Variants in RUBCNL observed in about 807,000 individuals in gnomAD.
RUBCNL encodes the protein protein associated with UVRAG as autophagy enhancer.
A neutral mutation model predicts 69.5 loss-of-function variants in RUBCNL; 62 were observed. That is an observed-to-expected ratio of 0.89 (90% confidence interval 0.73 to 1.10). RUBCNL has a LOEUF of 1.10. Among genes scored for constraint, RUBCNL ranks in the 50% least tolerant of loss-of-function variants. The pLI is 0.00. For missense variants in RUBCNL, 768 were observed against 798.1 expected (o/e 0.96, Z 0.45); for synonymous variants, 291 against 303.6 (o/e 0.96, Z 0.43).
intron 14 of RUBCNL, among the ~76,000 whole-genome samples, chr13:46,343,922 C>T (rs549630932): frequency 6.6e-6 from 1 of 152,240 alleles, no homozygotes; most frequent in East Asian, 1.9e-4. Context: ...AGTGAGTAGG[C>T]CGGCCCCAAT....
At chr13:46,388,069 G>A (rs1159317011), upstream of RUBCNL, among the ~76,000 whole-genome samples, 1 of 151,826 alleles carries the variant, frequency 6.6e-6, no homozygotes, top group African/African-American at 2.4e-5. Flanking sequence ...AAAATTAGCC[G>A]AGCGTGGTGG....
intron 10 of RUBCNL, among the ~76,000 whole-genome samples, chr13:46,352,780 G>A (rs1461322289): frequency 1.3e-5 from 2 of 151,430 alleles, no homozygotes; most frequent in Non-Finnish European, 2.9e-5. Flanking sequence ...CTCCAGCCTG[G>A]GTGGGCAACA....
rs567488519 is a variant in RUBCNL, at chr13:46,362,950, A to C, written c.925+165T>G. Among the ~76,000 whole-genome samples, 13 of 64,124 alleles carry C rather than the reference A, an allele frequency of 2.0e-4. 1 individual carries two copies. In the South Asian group the frequency reaches 5.0e-3, roughly 25 times the overall value. The allele number at this position is 64,124 out of a possible 152,430, so 42.1% of individuals were successfully genotyped here. A position where few individuals can be genotyped will look rare whatever the true frequency, so the allele number is the denominator to read the frequency against. On this transcript the variant is annotated intron_variant, in intron 6 of 14. Transcript: ENST00000429979. The stretch of plus-strand genomic sequence containing the variant: ...TATATATATATATAGATATATATAT[A>C]TATATATATATATATATATATATAT...
At position 46,341,588 on chromosome 13, in the gene RUBCNL, T is replaced by C. The variant is rs1014633548; in HGVS notation, c.*1797A>G. On this transcript the variant is annotated 3_prime_UTR_variant, in exon 15 of 15. Transcript: ENST00000429979. ...TATGTAACACACACAGGCTCATCAGTGCCTTACAAACATACAAACCCTGAG... is the reference window on the plus strand; with the variant it reads ...TATGTAACACACACAGGCTCATCAGCGCCTTACAAACATACAAACCCTGAG... Among the ~76,000 whole-genome samples, 8 of 152,210 alleles carry C rather than the reference T, an allele frequency of 5.3e-5. No homozygotes were observed. The highest frequency in any genetic ancestry group is 1.2e-4 in the Non-Finnish European group (8 of 68,032).
chr13:46,367,237 C>T (rs2138781331), intron 5 of RUBCNL, among the ~76,000 whole-genome samples: 1 of 152,262 alleles, frequency 6.6e-6, no homozygotes, highest in South Asian at 2.1e-4. Context: ...CAGGTTACCC[C>T]ACAGGGCTTC....
upstream of RUBCNL, among the ~76,000 whole-genome samples, chr13:46,389,168 T>C (rs559754040): frequency 6.6e-6 from 1 of 152,334 alleles, no homozygotes; most frequent in East Asian, 1.9e-4. This position sits in a 1 kb window ranked among gnomAD's most constrained non-coding sequence, Gnocchi z 4.2. Context: ...TGAACATCCC[T>C]GAGAATAACA....
At chr13:46,371,275 C>T (rs1456688310) in intron 3 of RUBCNL, among the ~76,000 whole-genome samples, 1 of 152,076 alleles carries the variant, frequency 6.6e-6, no homozygotes, top group African/African-American at 2.4e-5. Flanking sequence ...ACAAGTGTGA[C>T]TATAACAAAT....
chr13:46,372,416 G>T lies in RUBCNL; in HGVS notation c.60C>A (p.Ser20Arg). The change falls in exon 3 of 15, where the codon AGC (serine) becomes AGA (arginine). Residue 20 changes from serine (S) to arginine (R), a missense_variant. Coordinates refer to ENST00000429979, the MANE Select transcript of RUBCNL (RefSeq NM_025113.5). ...AACCATCAATAATGCCAGAGTGATCGCTGATCCCTTCCCAGGGCTCCACAG... is the reference window on the plus strand; with the variant it reads ...AACCATCAATAATGCCAGAGTGATCTCTGATCCCTTCCCAGGGCTCCACAG... Reference protein sequence around the residue: ...DSPVEPWEGISDHSGIIDGSP... With the variant: ...DSPVEPWEGIRDHSGIIDGSP... The T allele has an allele frequency of 6.2e-7, 1 of 1,612,872 alleles. No homozygotes were observed. Among genetic ancestry groups the T allele is most frequent in the African/African-American group, 1.3e-5 (1 of 75,020 alleles).
At chr13:46,368,867 C>T in intron 3 of RUBCNL, 52 bp from the exon 4 acceptor site, 2 of 1,306,518 alleles carry the variant, frequency 1.5e-6, no homozygotes, top group Admixed American at 2.0e-5. Flanking sequence ...TTAAAGATTA[C>T]CTAATAAAAT....
intron 8 of RUBCNL, among the ~76,000 whole-genome samples, chr13:46,359,893 G>A (rs983721387): frequency 6.6e-6 from 1 of 152,062 alleles, no homozygotes; most frequent in Non-Finnish European, 1.5e-5. Flanking sequence ...TTTACTGTAA[G>A]TAGGTCATTT....
chr13:46,383,629 T>G (rs1379784028), intron 1 of RUBCNL, among the ~76,000 whole-genome samples: 2 of 152,150 alleles, frequency 1.3e-5, no homozygotes, highest in Non-Finnish European at 2.9e-5. Flanking sequence ...ACTCTCTTGG[T>G]TTCTACACAG....
chr13:46,336,367 A>G lies in RUBCNL; in HGVS notation c.*7018T>C, dbSNP rs1321008718. Among the ~76,000 whole-genome samples, 1 of 152,190 alleles carries G rather than the reference A, an allele frequency of 6.6e-6. No individual in the cohort carries two copies. The highest frequency in any genetic ancestry group is 2.4e-5 in the African/African-American group (1 of 41,444). On this transcript the variant is annotated 3_prime_UTR_variant, in exon 15 of 15. Coordinates refer to ENST00000429979, the MANE Select transcript of RUBCNL (RefSeq NM_025113.5). ...TGCAACCATTACTCTTAAAAGTTGT[A>G]TAGTACTGATCTCATTTATCATCTG...
chr13:46,345,375 G>T (rs2048223219), intron 13 of RUBCNL, 72 bp downstream of exon 13: 2 of 1,496,506 alleles, frequency 1.3e-6, no homozygotes, highest in Non-Finnish European at 1.8e-6. Flanking sequence ...AGAGTTAAAT[G>T]AAGTCAAGTG....
rs780914316 is a variant in RUBCNL, at chr13:46,362,559, C to G, written c.965G>C (p.Cys322Ser). The stretch of plus-strand genomic sequence containing the variant: ...ATACCTCTTAGAGGAGCTGCAGGAA[C>G]AGCTACAGGTTTCTGTGATATCATT... ...DFNDITETCS[C>S]SCSSSKSVTY... Residue 322 changes from cysteine (C) to serine (S), a missense_variant, in exon 7 of 15, where the codon TGT becomes TCT. Physicochemically the swap from Cys to Ser is moderately radical, Grantham distance 112. Coordinates refer to ENST00000429979, the MANE Select transcript of RUBCNL (RefSeq NM_025113.5). 2 of 1,609,594 alleles carry G rather than the reference C, an allele frequency of 1.2e-6. No individual in the cohort carries two copies. Among genetic ancestry groups the G allele is most frequent in the Admixed American group, 3.4e-5 (2 of 59,532 alleles).
intron 5 of RUBCNL, 81 bp downstream of exon 5, chr13:46,367,961 G>A (rs968094995): frequency 7.8e-7 from 1 of 1,288,626 alleles, no homozygotes; most frequent in Non-Finnish European, 1.1e-6. Flanking sequence ...TGGAATATAT[G>A]CCCCGTGGAT....
intron 6 of RUBCNL, 110 bp downstream of exon 6, chr13:46,363,005 T>C: frequency 7.6e-6 from 2 of 261,696 alleles, no homozygotes; most frequent in Non-Finnish European, 1.4e-5. Context: ...TGGAAGAAGT[T>C]GGTTTGAATG....
At chr13:46,372,772 T>C (rs539440287) in intron 2 of RUBCNL, among the ~76,000 whole-genome samples, 175 bp from the exon 3 acceptor site, 33 of 152,272 alleles carry the variant, frequency 2.2e-4, no homozygotes, top group African/African-American at 7.9e-4. Context: ...GCCATAAAAC[T>C]AGCAGTAAAC....
At chr13:46,346,043 C>T (rs190336289) in intron 12 of RUBCNL, among the ~76,000 whole-genome samples, 2 of 152,320 alleles carry the variant, frequency 1.3e-5, no homozygotes, top group East Asian at 3.9e-4. Flanking sequence ...CTCACTCACT[C>T]GGCAAGCCTA....
In RUBCNL at chr13:46,371,801, C is replaced by T. The variant is rs188880227; in HGVS notation, c.535+140G>A. 67 of 816,244 alleles carry T rather than the reference C, an allele frequency of 8.2e-5. 1 individual carries two copies. In the Middle Eastern group the frequency reaches 1.2e-3, roughly 14 times the overall value. 50.6% of individuals were successfully genotyped at this position (816,244 alleles called of 1,614,324 possible). On this transcript the variant is annotated intron_variant, in intron 3 of 14. Transcript: ENST00000429979. ...AATATTTGATTTCACCTGTTGTGAC[C>T]GCCCAGATGGCTGGGCTGCTGACAA...
Sources: allele counts gnomAD v4.1 joint callset (sites outside exome capture counted in the v4.1 genomes callset), GRCh38; gene constraint gnomAD v4.1.1; non-coding constraint Gnocchi (gnomAD v3.1); transcripts MANE v1.5; gene names NCBI Gene and HGNC (gene_info 2026-07-23, HGNC 2026-07-21).